The following PTPRD variants were observed in gnomAD, a reference collection of about 807,000 sequenced individuals.
PTPRD encodes the protein receptor-type tyrosine-protein phosphatase delta.
Under a neutral mutation model 214.5 loss-of-function variants are expected in PTPRD, and 34 were observed. The ratio of observed to expected loss-of-function variants is 0.16; its 90% CI spans 0.12 to 0.21. PTPRD has a LOEUF of 0.21. Among genes scored for constraint, PTPRD ranks in the 10% least tolerant of loss-of-function variants. The probability of loss-of-function intolerance (pLI) is 1.00; values close to 1 mark genes in which losing one functional copy is unlikely to be tolerated. For synonymous variants in PTPRD, 1,128 were observed against 845.7 expected (o/e 1.33, Z -5.79); for missense variants, 2,545 against 2,398.7 (o/e 1.06, Z -1.27).
chr9:10,041,934 C>T (rs1189622865), intron 3 of PTPRD, among the ~76,000 whole-genome samples: 1 of 152,032 alleles, frequency 6.6e-6, no homozygotes, highest in Non-Finnish European at 1.5e-5. Flanking sequence ...AGAAGCACAT[C>T]TTCAGTGACA....
At chr9:9,236,245 C>A (rs544883136) in intron 9 of PTPRD, among the ~76,000 whole-genome samples, 41 of 152,136 alleles carry the variant, frequency 2.7e-4, no homozygotes, top group African/African-American at 9.6e-4. Context: ...AAGAACAAAA[C>A]CCCATCCCAA....
chr9:8,769,291 G>C (rs541540382), intron 11 of PTPRD, among the ~76,000 whole-genome samples: 10 of 152,056 alleles, frequency 6.6e-5, no homozygotes, highest in Non-Finnish European at 1.3e-4. Flanking sequence ...TCTTTGTTTA[G>C]TTTCCTCACA....
intron 7 of PTPRD, among the ~76,000 whole-genome samples, chr9:9,732,705 G>C (rs150163199): frequency 6.6e-6 from 1 of 152,250 alleles, no homozygotes; most frequent in African/African-American, 2.4e-5. Flanking sequence ...TCCATTTGCA[G>C]AAAGTGCTGA....
At chr9:9,514,281 T>C (rs1193380065) in intron 8 of PTPRD, among the ~76,000 whole-genome samples, 3 of 151,978 alleles carry the variant, frequency 2.0e-5, no homozygotes, top group East Asian at 1.9e-4. Context: ...ATCTATCAGG[T>C]TGAAGAATAA....
chr9:8,956,168 G>A (rs1208918252), intron 11 of PTPRD, among the ~76,000 whole-genome samples: 7 of 151,748 alleles, frequency 4.6e-5, no homozygotes. Context: ...AAAGAGTGTG[G>A]GGTGAGTGAA....
intron 23 of PTPRD, among the ~76,000 whole-genome samples, chr9:8,501,697 C>T (rs774372083): frequency 6.6e-6 from 1 of 152,136 alleles, no homozygotes; most frequent in Non-Finnish European, 1.5e-5. Flanking sequence ...TAACATTGAT[C>T]ATAGCCCATA....
At chr9:8,604,259 C>T (rs964758259) in intron 14 of PTPRD, among the ~76,000 whole-genome samples, 2 of 152,154 alleles carry the variant, frequency 1.3e-5, no homozygotes, top group African/African-American at 4.8e-5. Context: ...CAAAGTGCCA[C>T]AGTGGCACAC....
At chr9:9,543,890 C>T (rs1041071675) in intron 8 of PTPRD, among the ~76,000 whole-genome samples, 6 of 151,690 alleles carry the variant, frequency 4.0e-5, no homozygotes, top group Middle Eastern at 3.4e-3. Context: ...GTTTATTAAA[C>T]GTATATTAGA....
At chr9:10,521,799 GGTATGTACATT>G (rs2052385916) in intron 2 of PTPRD, among the ~76,000 whole-genome samples, 1 of 152,088 alleles carries the variant, frequency 6.6e-6, no homozygotes, top group Admixed American at 6.6e-5. Context: ...TTGTAATAAA[GGTATGTACATT>G]GTTTTTATAA....
intron 8 of PTPRD, among the ~76,000 whole-genome samples, chr9:9,498,323 G>C (rs2096275236): frequency 6.6e-6 from 1 of 152,112 alleles, no homozygotes; most frequent in African/African-American, 2.4e-5. Flanking sequence ...TATTGCACAA[G>C]TACAGGCTTC....
intron 14 of PTPRD, among the ~76,000 whole-genome samples, chr9:8,536,521 G>C (rs948089387): frequency 1.3e-5 from 2 of 151,980 alleles, no homozygotes; most frequent in African/African-American, 4.8e-5. Flanking sequence ...AGAAGAGACA[G>C]AATTCTGCCA....
At chr9:8,402,349 A>G (rs2092499456) in intron 36 of PTPRD, among the ~76,000 whole-genome samples, 1 of 152,178 alleles carries the variant, frequency 6.6e-6, no homozygotes, top group Non-Finnish European at 1.5e-5. Context: ...CCATCAGAAT[A>G]AAGATACAAG....
chr9:8,376,527 T>TA, intron 38 of PTPRD, 80 bp downstream of exon 38: 2 of 1,585,786 alleles, frequency 1.3e-6, no homozygotes, highest in Non-Finnish European at 1.7e-6. Context: ...AGTAAAGCCT[T>TA]AAGAGATTTC....
chr9:10,432,007 T>C (rs2098684212), intron 2 of PTPRD, among the ~76,000 whole-genome samples: 1 of 151,898 alleles, frequency 6.6e-6, no homozygotes, highest in Non-Finnish European at 1.5e-5. Flanking sequence ...GTGGCATTAT[T>C]CACAATAGCA....
chr9:10,508,179 A>AAAAG (rs1241505613), intron 2 of PTPRD, among the ~76,000 whole-genome samples: 42 of 152,366 alleles, frequency 2.8e-4, no homozygotes, highest in Non-Finnish European at 5.3e-4. Flanking sequence ...TATGCAGCCA[A>AAAAG]CAGATACATG....
At chr9:10,567,342 A>T (rs1406645126) in intron 2 of PTPRD, among the ~76,000 whole-genome samples, 1 of 152,078 alleles carries the variant, frequency 6.6e-6, no homozygotes, top group Non-Finnish European at 1.5e-5. Flanking sequence ...ACAAATTTCA[A>T]TTTTTGAGAC....
At chr9:9,323,723 G>T (rs199858051) in intron 9 of PTPRD, among the ~76,000 whole-genome samples, 6 of 151,988 alleles carry the variant, frequency 3.9e-5, no homozygotes, top group African/African-American at 1.5e-4. Context: ...TTAAGTTCTA[G>T]GGTACATGTG....
intron 37 of PTPRD, among the ~76,000 whole-genome samples, chr9:8,380,373 T>A (rs1053856092): frequency 6.6e-6 from 1 of 152,118 alleles, no homozygotes; most frequent in African/African-American, 2.4e-5. Flanking sequence ...GAAAAGAGTA[T>A]GTGTTCAACT....
chr9:9,780,961 G>A (rs1187196939), intron 5 of PTPRD, among the ~76,000 whole-genome samples: 1 of 152,176 alleles, frequency 6.6e-6, no homozygotes, highest in Admixed American at 6.5e-5. Context: ...TATTCCAAGT[G>A]TATGACTTTC....
Sources: allele counts gnomAD v4.1 joint callset (sites outside exome capture counted in the v4.1 genomes callset), GRCh38; gene constraint gnomAD v4.1.1; transcripts MANE v1.5; gene names NCBI Gene and HGNC (gene_info 2026-07-23, HGNC 2026-07-21).